ADAM22: variants seen among roughly 807,000 people sequenced by gnomAD.
ADAM22 encodes disintegrin and metalloproteinase domain-containing protein 22.
Under a neutral mutation model 144.6 loss-of-function variants are expected in ADAM22, and 65 were observed. The ratio of observed to expected loss-of-function variants is 0.45; its 90% CI spans 0.37 to 0.55. ADAM22 has a LOEUF of 0.55. Ranked by LOEUF, ADAM22 falls within the 20% of genes least tolerant of loss-of-function variation. The pLI is 0.00. For missense variants in ADAM22, 974 were observed against 1,184.9 expected, an observed-to-expected ratio of 0.82 and a Z score of 2.61; for synonymous variants, 391 against 412.6, an observed-to-expected ratio of 0.95 and a Z score of 0.63.
chr7:88,125,751 G>A lies in ADAM22; in HGVS notation c.678+92G>A, dbSNP rs965596901. On this transcript the variant is annotated intron_variant, in intron 8 of 31. Transcript: ENST00000413139. ...ACAGTAAGTCTGTGTGAGAGGGTGA[G>A]TATTAGTTTGGGAATTTGTCAGGGT... The A allele has an allele frequency of 3.8e-5, 41 of 1,066,658 alleles. 1 individual carries two copies. Among genetic ancestry groups the A allele is most frequent in the Non-Finnish European group, 5.2e-5 (39 of 751,984 alleles). The allele number at this position is 1,066,658 out of a possible 1,614,324, so 66.1% of individuals were successfully genotyped here.
chr7:87,980,101 A>G (rs542332914), intron 3 of ADAM22, among the ~76,000 whole-genome samples: 1 of 152,314 alleles, frequency 6.6e-6, no homozygotes, highest in South Asian at 2.1e-4. Context: ...ACATATGGTC[A>G]TACTTATCAA....
chr7:87,983,255 G>A (rs1174974023), intron 3 of ADAM22, among the ~76,000 whole-genome samples: 3 of 151,714 alleles, frequency 2.0e-5, no homozygotes, highest in African/African-American at 7.3e-5. Flanking sequence ...TTTTAATTTG[G>A]AAAAAATAGA....
Position 88,063,086 on chromosome 7 carries a change from T to C in ADAM22, c.324-12540T>C, listed in dbSNP as rs532236053. Among the ~76,000 whole-genome samples the C allele has an allele frequency of 3.3e-5, 5 of 152,268 alleles. No individual in the cohort carries two copies. In the South Asian group the frequency reaches 8.3e-4, roughly 25 times the overall value. On this transcript the variant is annotated intron_variant, in intron 3 of 31. Transcript: ENST00000413139. ...CAGACACAAAGTGAGCATATGCTGT[T>C]GGAAAATGGCGCTGATAGACTTGCT... is the stretch of plus-strand genomic sequence containing the variant.
At chr7:88,099,688 C>A (rs1822392492) in intron 4 of ADAM22, among the ~76,000 whole-genome samples, 1 of 152,036 alleles carries the variant, frequency 6.6e-6, no homozygotes, top group Non-Finnish European at 1.5e-5. Flanking sequence ...TTAAATTAAG[C>A]CTGATGATGT....
chr7:88,000,161 T>C (rs1386472304), intron 3 of ADAM22, among the ~76,000 whole-genome samples: 1 of 152,180 alleles, frequency 6.6e-6, no homozygotes, highest in South Asian at 2.1e-4. Flanking sequence ...AGTTTGTTAT[T>C]CCTTCTATAT....
intron 31 of ADAM22, among the ~76,000 whole-genome samples, chr7:88,195,248 A>G (rs1850425218): frequency 6.6e-6 from 1 of 152,182 alleles, no homozygotes; most frequent in Non-Finnish European, 1.5e-5. Context: ...AACATATTTC[A>G]TCAGCTTGAT....
chr7:88,043,583 A>G (rs1222041257), intron 3 of ADAM22, among the ~76,000 whole-genome samples: 1 of 151,992 alleles, frequency 6.6e-6, no homozygotes, highest in Non-Finnish European at 1.5e-5. Context: ...TGGCATGCGC[A>G]TGTAGTCCCA....
intron 2 of ADAM22, among the ~76,000 whole-genome samples, chr7:87,968,956 G>A (rs533672143): frequency 6.6e-6 from 1 of 152,202 alleles, no homozygotes; most frequent in Admixed American, 6.5e-5. Context: ...AGAGAGAGAA[G>A]GGGGAGATGC....
chr7:88,042,062 C>T (rs1230622317), intron 3 of ADAM22, among the ~76,000 whole-genome samples: 1 of 151,996 alleles, frequency 6.6e-6, no homozygotes, highest in Non-Finnish European at 1.5e-5. Context: ...GATGATAGAG[C>T]TTTTCTTTGA....
intron 8 of ADAM22, among the ~76,000 whole-genome samples, chr7:88,128,153 C>G (rs1330985415): frequency 6.6e-6 from 1 of 151,900 alleles, no homozygotes; most frequent in Non-Finnish European, 1.5e-5. Flanking sequence ...CTCAGAGGAC[C>G]TGAAATTAAA....
At chr7:87,974,081 G>A (rs1851253346) in intron 2 of ADAM22, among the ~76,000 whole-genome samples, 1 of 148,194 alleles carries the variant, frequency 6.7e-6, no homozygotes, top group Non-Finnish European at 1.5e-5. Context: ...AAAACTTAAA[G>A]TATAATAATA....
In ADAM22 at chr7:88,041,071, A is replaced by G. The variant is rs146095282; in HGVS notation, c.324-34555A>G. Among the ~76,000 whole-genome samples the G allele has an allele frequency of 7.0e-4, 106 of 152,140 alleles. 1 individual carries two copies. Among genetic ancestry groups the G allele is most frequent in the African/African-American group, 2.5e-3 (102 of 41,542 alleles). On this transcript the variant is annotated intron_variant, in intron 3 of 31. Coordinates refer to ENST00000413139, the MANE Select transcript of ADAM22 (RefSeq NM_001324418.2). ...CCTGATTAAGGGCTCACAATATTAAATTAGGCCACTCAAAGTTGTCTCCCT... is the reference window on the plus strand; with the variant it reads ...CCTGATTAAGGGCTCACAATATTAAGTTAGGCCACTCAAAGTTGTCTCCCT...
chr7:88,113,686 TTATAA>T lies in ADAM22; in HGVS notation c.474-897_474-893del, dbSNP rs1563244987. Among the ~76,000 whole-genome samples, 117 of 66,372 alleles carry T rather than the reference TTATAA, an allele frequency of 1.8e-3. 3 individuals are homozygous for T. The East Asian group carries it at 0.03, about 17-fold the overall frequency. The allele number at this position is 66,372 out of a possible 152,430, so 43.5% of individuals were successfully genotyped here. ...TGTATATATATATATAATATATATA[TTATAA>T]ATAAATAAATAAATATATATATATA... On this transcript the variant is annotated intron_variant, in intron 5 of 31. Transcript: ENST00000413139.
At chr7:87,948,569 C>T (rs1044121609) in intron 2 of ADAM22, among the ~76,000 whole-genome samples, 7 of 152,130 alleles carry the variant, frequency 4.6e-5, no homozygotes, top group Non-Finnish European at 8.8e-5. Flanking sequence ...TTAGTTTACC[C>T]TCTACATTTG....
Position 88,145,495 on chromosome 7 carries a change from T to C in ADAM22, c.1473T>C (p.Cys491=). The C allele has an allele frequency of 6.2e-7, 1 of 1,613,306 alleles. No individual in the cohort carries two copies. The highest frequency in any genetic ancestry group is 8.5e-7 in the Non-Finnish European group (1 of 1,179,426). ...QDSQCSDGLC[C]KKCKFQPMGT... is the part of the protein sequence containing the mutation. Reference sequence around the variant, plus strand: ...CTCAATGCAGTGACGGTCTTTGCTGTAAAAAGTGCAAGGTAAATAAACATT... The same window carrying C: ...CTCAATGCAGTGACGGTCTTTGCTGCAAAAAGTGCAAGGTAAATAAACATT... Residue 491 remains cysteine (C), a synonymous_variant, in exon 17 of 32, where the codon TGT becomes TGC. Transcript: ENST00000413139.
chr7:88,134,265 C>A (rs1021457018), intron 12 of ADAM22, 64 bp from the exon 13 acceptor site: 6 of 1,267,492 alleles, frequency 4.7e-6, no homozygotes, highest in African/African-American at 1.5e-5. Flanking sequence ...TGACATTTTT[C>A]TCTGGTTCTT....
intron 4 of ADAM22, among the ~76,000 whole-genome samples, chr7:88,079,248 G>A (rs553691970): frequency 6.6e-6 from 1 of 152,170 alleles, no homozygotes; most frequent in South Asian, 2.1e-4. Flanking sequence ...GCCAAACTAA[G>A]CTTCATAAGT....
chr7:87,966,307 G>A (rs943756337), intron 2 of ADAM22, among the ~76,000 whole-genome samples: 1 of 152,118 alleles, frequency 6.6e-6, no homozygotes, highest in Admixed American at 6.5e-5. Flanking sequence ...ATTATAGCTC[G>A]ATACAACTAT....
intron 3 of ADAM22, among the ~76,000 whole-genome samples, chr7:87,996,964 G>GT (rs1344114160): frequency 3.3e-5 from 5 of 152,206 alleles, no homozygotes; most frequent in African/African-American, 1.2e-4. Context: ...TGCTTGGCAT[G>GT]TGGAGGTGCT....
Sources: allele counts gnomAD v4.1 joint callset (sites outside exome capture counted in the v4.1 genomes callset), GRCh38; gene constraint gnomAD v4.1.1; transcripts MANE v1.5; gene names NCBI Gene and HGNC (gene_info 2026-07-23, HGNC 2026-07-21).